Variants in IL1RAPL1 observed in about 807,000 individuals in gnomAD.
The protein encoded by IL1RAPL1 is interleukin 1 receptor accessory protein like 1.
In IL1RAPL1, 3 loss-of-function variants were observed where a neutral mutation model predicts 48.4. The ratio of observed to expected loss-of-function variants is 0.06; its 90% CI spans 0.03 to 0.16. The LOEUF (loss-of-function observed/expected upper bound fraction) is 0.16. Among genes scored for constraint, IL1RAPL1 ranks in the 10% least tolerant of loss-of-function variants. IL1RAPL1 has a pLI of 1.00. For synonymous variants in IL1RAPL1, 185 were observed against 187.7 expected (o/e 0.99, Z 0.12); for missense variants, 349 against 530.6 (o/e 0.66, Z 3.36).
chrX:28,588,543 C>A (rs1451089753), intron 1 of IL1RAPL1, among the ~76,000 whole-genome samples: 2 of 111,928 alleles, frequency 1.8e-5, no homozygotes, highest in Non-Finnish European at 3.8e-5. Context: ...ATTTCACAGC[C>A]GCAATGGGAC....
At chrX:29,444,067 C>T (rs1485777351) in intron 5 of IL1RAPL1, among the ~76,000 whole-genome samples, 2 of 112,253 alleles carry the variant, frequency 1.8e-5, no homozygotes, top group Non-Finnish European at 3.8e-5. Context: ...TGTGGCTGGG[C>T]GCCGTGGCTC....
intron 2 of IL1RAPL1, among the ~76,000 whole-genome samples, chrX:29,158,910 TTCTCTC>T (rs200150150): frequency 2.4e-5 from 2 of 84,441 alleles, no homozygotes; most frequent in Non-Finnish European, 4.5e-5. Context: ...TTCTTTTCTT[TTCTCTC>T]TCTCTCTCTC....
At chrX:28,942,784 T>C (rs980276987) in intron 2 of IL1RAPL1, among the ~76,000 whole-genome samples, 1 of 110,281 alleles carries the variant, frequency 9.1e-6, no homozygotes, top group Non-Finnish European at 1.9e-5. Context: ...AGGTCAAAGC[T>C]GAAAGAAGTA....
At chrX:29,876,651 G>A (rs192082664) in intron 6 of IL1RAPL1, among the ~76,000 whole-genome samples, 14 of 111,011 alleles carry the variant, frequency 1.3e-4, no homozygotes, top group Admixed American at 3.8e-4. Context: ...AGAACAGTGC[G>A]ATGTAGTAGA....
At chrX:28,589,794 T>C (rs1933888495) in intron 1 of IL1RAPL1, among the ~76,000 whole-genome samples, 1 of 111,859 alleles carries the variant, frequency 8.9e-6, no homozygotes, top group Non-Finnish European at 1.9e-5. Flanking sequence ...GACTGTTTTG[T>C]CCCTTTATCT....
intron 6 of IL1RAPL1, among the ~76,000 whole-genome samples, chrX:29,915,405 G>A (rs1286910721): frequency 1.8e-5 from 2 of 112,035 alleles, no homozygotes; most frequent in African/African-American, 6.5e-5. Context: ...AGAAATATTA[G>A]AAGAGCAATA....
chrX:29,509,673 G>A (rs936425971), intron 5 of IL1RAPL1, among the ~76,000 whole-genome samples: 3 of 107,334 alleles, frequency 2.8e-5, no homozygotes, highest in Non-Finnish European at 5.7e-5. Flanking sequence ...GCACACACAC[G>A]CATGCGCCCA....
chrX:29,028,437 G>A (rs925472422), intron 2 of IL1RAPL1, among the ~76,000 whole-genome samples: 14 of 108,573 alleles, frequency 1.3e-4, no homozygotes, highest in African/African-American at 3.4e-4. Flanking sequence ...ACAGGCACAC[G>A]CCACCATGCC....
chrX:29,884,669 C>G (rs1229993313), intron 6 of IL1RAPL1, among the ~76,000 whole-genome samples: 1 of 111,389 alleles, frequency 9.0e-6, no homozygotes, highest in East Asian at 2.8e-4. Flanking sequence ...GTCTATCCGT[C>G]TCTGCTGGAA....
chrX:29,484,020 A>C (rs1452252637), intron 5 of IL1RAPL1, among the ~76,000 whole-genome samples: 2 of 109,591 alleles, frequency 1.8e-5, no homozygotes, highest in Admixed American at 9.8e-5. Context: ...AAAAAAAAAA[A>C]AAAAACTCAT....
At chrX:28,986,400 A>G (rs1372644955) in intron 2 of IL1RAPL1, among the ~76,000 whole-genome samples, 1 of 112,480 alleles carries the variant, frequency 8.9e-6, no homozygotes, top group Non-Finnish European at 1.9e-5. Flanking sequence ...ATTTCTTCCC[A>G]TTTTATACCT....
intron 5 of IL1RAPL1, among the ~76,000 whole-genome samples, chrX:29,469,369 G>A (rs886830652): frequency 2.7e-5 from 3 of 111,813 alleles, no homozygotes; most frequent in Non-Finnish European, 5.6e-5. Context: ...ACAGGTCAAT[G>A]CACCATCCAT....
intron 5 of IL1RAPL1, among the ~76,000 whole-genome samples, chrX:29,571,181 C>T (rs1394106482): frequency 9.0e-6 from 1 of 111,097 alleles, no homozygotes; most frequent in African/African-American, 3.3e-5. Flanking sequence ...GAGATCGCGC[C>T]ACTGCATTCC....
chrX:28,643,020 C>T (rs1432123172), intron 1 of IL1RAPL1, among the ~76,000 whole-genome samples: 1 of 110,779 alleles, frequency 9.0e-6, no homozygotes, highest in Non-Finnish European at 1.9e-5. Context: ...TCCCAAGTAG[C>T]TGGGATTACA....
chrX:29,431,698 A>G (rs1327606394), intron 5 of IL1RAPL1, among the ~76,000 whole-genome samples: 1 of 111,355 alleles, frequency 9.0e-6, no homozygotes, highest in Admixed American at 9.6e-5. Flanking sequence ...TTTTCCCATT[A>G]CCAACATCAT....
intron 6 of IL1RAPL1, among the ~76,000 whole-genome samples, chrX:29,747,471 C>T (rs1196855163): frequency 8.9e-6 from 1 of 112,174 alleles, no homozygotes; most frequent in Non-Finnish European, 1.9e-5. Context: ...ATCAAGAGGG[C>T]TCTTATTGAA....
At chrX:29,555,301 T>G (rs1160793714) in intron 5 of IL1RAPL1, among the ~76,000 whole-genome samples, 1 of 112,577 alleles carries the variant, frequency 8.9e-6, no homozygotes, top group Non-Finnish European at 1.9e-5. Flanking sequence ...TTTGGGTATC[T>G]CTAACTTAAG....
chrX:29,825,685 A>C (rs1024665268), intron 6 of IL1RAPL1, among the ~76,000 whole-genome samples: 4 of 112,077 alleles, frequency 3.6e-5, no homozygotes, highest in African/African-American at 1.3e-4. Context: ...TTTTGATCAC[A>C]ACTATTCAAT....
intron 5 of IL1RAPL1, among the ~76,000 whole-genome samples, chrX:29,649,542 G>T (rs903547648): frequency 9.0e-6 from 1 of 111,584 alleles, no homozygotes; most frequent in Non-Finnish European, 1.9e-5. Flanking sequence ...ATAAAATTCA[G>T]TATCCTTTCA....
Sources: gnomAD v4.1 joint callset for allele counts (sites outside exome capture counted in the v4.1 genomes callset) on GRCh38, gnomAD v4.1.1 for gene constraint, MANE v1.5 for transcripts, NCBI Gene and HGNC (gene_info 2026-07-23, HGNC 2026-07-21) for gene names.